Variants in TMEM145 observed in about 807,000 individuals in gnomAD.
TMEM145 encodes the protein transmembrane protein 145.
In TMEM145, 46 loss-of-function variants were observed where a neutral mutation model predicts 68.5. The ratio of observed to expected loss-of-function variants is 0.67; its 90% confidence interval spans 0.53 to 0.86. The LOEUF (loss-of-function observed/expected upper bound fraction) is 0.86. Among genes scored for constraint, TMEM145 ranks in the 40% least tolerant of loss-of-function variants. The pLI, the probability that TMEM145 is intolerant of heterozygous loss-of-function variation, is 0.00. For synonymous variants in TMEM145, 255 were observed against 280.2 expected, an observed-to-expected ratio of 0.91 and a Z score of 0.90; for missense variants, 570 against 645.8, an observed-to-expected ratio of 0.88 and a Z score of 1.27.
At position 42,317,749 on chromosome 19, in the gene TMEM145, C is replaced by T. The variant is rs772824193; in HGVS notation, c.941C>T (p.Pro314Leu). ...PGQVLYTYESPAGYGLIGLQV... is the reference protein window; with the variant it reads ...PGQVLYTYESLAGYGLIGLQV... ...CAGGTACTGTACACGTATGAGTCGC[C>T]GGCCGGCTACGGGCTCATTGGACTG... is the stretch of plus-strand genomic sequence containing the variant. The change falls in exon 12 of 15, where the codon CCG becomes CTG. Residue 314 changes from proline (P) to leucine (L), a missense_variant. Coordinates refer to ENST00000301204, the MANE Select transcript of TMEM145 (RefSeq NM_173633.3). 25 of 1,614,026 alleles carry T rather than the reference C, an allele frequency of 1.5e-5. No individual in the cohort carries two copies. Among genetic ancestry groups the T allele is most frequent in the Middle Eastern group, 1.6e-4 (1 of 6,084 alleles).
intron 12 of TMEM145, among the ~76,000 whole-genome samples, chr19:42,319,478 G>A (rs1384851292): frequency 6.6e-6 from 1 of 152,026 alleles, no homozygotes. Flanking sequence ...ACGGAGTCTT[G>A]CTCTGTCGCC....
chr19:42,313,536 CG>C lies in TMEM145; in HGVS notation c.120+45del, dbSNP rs2038824134. 3.2e-6 allele frequency: 4 copies of C among 1,249,390 alleles called. No individual in the cohort carries two copies. The highest frequency in any genetic ancestry group is 3.4e-5 in the South Asian group (1 of 29,296). 77.4% of individuals were successfully genotyped at this position (1,249,390 alleles called of 1,614,324 possible). On this transcript the variant is annotated intron_variant, in intron 1 of 14. Coordinates refer to ENST00000301204, the MANE Select transcript of TMEM145 (RefSeq NM_173633.3). The surrounding 1 kb of genome is among the most constrained non-coding windows in gnomAD (Gnocchi z 5.1). ...CCCTCCTCTGCGGCCCGCCGGCCCC[CG>C]GGGGACGCAAGGGAGGCGAGGGGAG...
In TMEM145 at chr19:42,315,426, C is replaced by T. The variant is rs773644329; in HGVS notation, c.632C>T (p.Ala211Val). 5.6e-6 allele frequency: 9 copies of T among 1,614,150 alleles called. No individual in the cohort carries two copies. The highest frequency in any genetic ancestry group is 6.8e-6 in the Non-Finnish European group (8 of 1,180,020). ...LHTTYKMFMA[A>V]AGVEVLSLLF... ...ACAACTTATAAAATGTTCATGGCCG[C>T]AGCAGGAGTAGAGGGTGAGGTTCCG... Residue 211 changes from alanine to valine, a missense_variant, in exon 8 of 15, where the codon GCA becomes GTA. Ala to Val is a moderately conservative substitution (Grantham distance 64). Transcript: ENST00000301204.
chr19:42,315,952 C>G (rs147988566), intron 8 of TMEM145, among the ~76,000 whole-genome samples: 4 of 152,140 alleles, frequency 2.6e-5, no homozygotes, highest in African/African-American at 9.7e-5. Flanking sequence ...ATTGCTTGAA[C>G]CCGGGAGGTG....
chr19:42,323,805 C>A lies in TMEM145; in HGVS notation c.1401+16C>A. 4 of 1,612,226 alleles carry A rather than the reference C, an allele frequency of 2.5e-6. No individual in the cohort carries two copies. Among genetic ancestry groups the A allele is most frequent in the Non-Finnish European group, 3.4e-6 (4 of 1,178,648 alleles). On this transcript the variant is annotated intron_variant, in intron 14 of 14. Coordinates refer to ENST00000301204, the MANE Select transcript of TMEM145 (RefSeq NM_173633.3). ...CGCCACCTCCGTAAGCCCCGCGGCC[C>A]CAGCGCCCGAGGAGCTGCTGGCGCC...
intron 3 of TMEM145, 34 bp downstream of exon 3, chr19:42,314,562 G>C: frequency 3.1e-6 from 5 of 1,614,180 alleles, no homozygotes; most frequent in Non-Finnish European, 4.2e-6. Flanking sequence ...GGGGGAGAGG[G>C]GAGAAGGTCG....
chr19:42,320,048 C>T (rs1186305345), intron 12 of TMEM145, among the ~76,000 whole-genome samples: 4 of 152,116 alleles, frequency 2.6e-5, no homozygotes, highest in East Asian at 1.9e-4. Context: ...CGTGAGCCAC[C>T]GTGCCCGGGC....
Position 42,313,503 on chromosome 19 carries a change from A to T in TMEM145, c.120+7A>T, listed in dbSNP as rs2038823690. 1 of 1,281,804 alleles carries T rather than the reference A, an allele frequency of 7.8e-7. No individual in the cohort carries two copies. Among genetic ancestry groups the T allele is most frequent in the Admixed American group, 4.2e-5 (1 of 24,084 alleles). 79.4% of individuals were successfully genotyped at this position (1,281,804 alleles called of 1,614,324 possible). A position where few individuals can be genotyped will look rare whatever the true frequency, so the allele number is the denominator to read the frequency against. On this transcript the variant is annotated splice_region_variant and intron_variant, in intron 1 of 14. Transcript: ENST00000301204. The surrounding 1 kb of genome is among the most constrained non-coding windows in gnomAD (Gnocchi z 5.1). ...CAACCTCAGTTCCAAGGAGGTGAGC[A>T]TGCCGAGCCCTCCTCTGCGGCCCGC... is the stretch of plus-strand genomic sequence containing the variant.
rs780024521 is a variant in TMEM145 at position 42,324,795 on chromosome 19, CT to C, written c.1461del (p.Gly488AlafsTer81). The C allele has an allele frequency of 4.5e-6, 7 of 1,569,738 alleles. No homozygotes were observed. Among genetic ancestry groups the C allele is most frequent in the African/African-American group, 2.8e-5 (2 of 71,956 alleles). On this transcript the variant is annotated frameshift_variant, in exon 15 of 15. Transcript: ENST00000301204. LOFTEE classifies it high-confidence loss of function. ...GLPLFRDLRPPGPLRDL is the reference protein window; with the variant it reads ...GLPLFRDLRPXGPLRDL Reference sequence around the variant, plus strand: ...CCGCTGTTCCGTGACCTCCGGCCCCCTGGCCCCCTTCGAGACCTCTGACCCC... The same window carrying C: ...CCGCTGTTCCGTGACCTCCGGCCCCCGGCCCCCTTCGAGACCTCTGACCCC...
Position 42,324,053 on chromosome 19 carries a change from C to T in TMEM145, c.1401+264C>T, listed in dbSNP as rs545299833. On this transcript the variant is annotated intron_variant, in intron 14 of 14. Transcript: ENST00000301204. ...CACCGCCCGCCTTCCGCGGCTCTCC[C>T]CCAGCTCCCCGGCCGCCGCCGGAGT... Among the ~76,000 whole-genome samples, 302 of 152,050 alleles carry T rather than the reference C, an allele frequency of 2.0e-3. 5 individuals carry two copies. Among genetic ancestry groups the T allele is most frequent in the Admixed American group, 0.013 (200 of 15,282 alleles).
intron 13 of TMEM145, among the ~76,000 whole-genome samples, chr19:42,323,071 C>T (rs1431903433): frequency 6.6e-6 from 1 of 152,200 alleles, no homozygotes; most frequent in Non-Finnish European, 1.5e-5. Flanking sequence ...CAGTAGGGAA[C>T]AGAAGAGTCT....
Position 42,324,720 on chromosome 19 carries a change from C to T in TMEM145, c.1402-17C>T. On this transcript the variant is annotated splice_polypyrimidine_tract_variant and intron_variant, in intron 14 of 14. Transcript: ENST00000301204. ...AAACGGTCCCGCGGGAGCCGCTCTC[C>T]CCGTCCCCTCCCTCAGCCCCTGCCC... 2 of 1,452,466 alleles carry T rather than the reference C, an allele frequency of 1.4e-6. No homozygotes were observed. The highest frequency in any genetic ancestry group is 1.3e-5 in the South Asian group (1 of 77,578). The allele number at this position is 1,452,466 out of a possible 1,614,324, so 90.0% of individuals were successfully genotyped here. A position where few individuals can be genotyped will look rare whatever the true frequency, so the allele number is the denominator to read the frequency against.
At chr19:42,320,460 G>T in intron 13 of TMEM145, 23 bp downstream of exon 13, 1 of 1,613,388 alleles carries the variant, frequency 6.2e-7, no homozygotes, top group Non-Finnish European at 8.5e-7. Flanking sequence ...ATCTGTGGGG[G>T]GTGGAGGGGA....
intron 11 of TMEM145, 70 bp from the exon 12 acceptor site, chr19:42,317,639 G>A (rs1050118303): frequency 1.4e-5 from 22 of 1,528,508 alleles, no homozygotes; most frequent in Non-Finnish European, 2.0e-5. Flanking sequence ...AAGTGCCCAG[G>A]GGTGGGGTCC....
chr19:42,323,692 A>C lies in TMEM145; in HGVS notation c.1304A>C (p.Lys435Thr). ...CCCGGAGGGAGCCAATCCGCTGACA[A>C]GGCCTTCCCGCAGCACGTCTATGGG... ...PGPGGSQSAD[K>T]AFPQHVYGNV... is the part of the protein sequence containing the mutation. The change falls in exon 14 of 15, where the codon AAG becomes ACG. Residue 435 changes from lysine to threonine, a missense_variant. By Grantham distance (78) the Lys-to-Thr change is moderately conservative (BLOSUM62 -1). Transcript: ENST00000301204. 2 of 1,614,150 alleles carry C rather than the reference A, an allele frequency of 1.2e-6. No homozygotes were observed. Among genetic ancestry groups the C allele is most frequent in the South Asian group, 1.1e-5 (1 of 91,078 alleles).
At chr19:42,323,028 C>G (rs1424738460) in intron 13 of TMEM145, among the ~76,000 whole-genome samples, 1 of 152,154 alleles carries the variant, frequency 6.6e-6, no homozygotes, top group Admixed American at 6.5e-5. Context: ...GGCTTATATG[C>G]GCCAGGCATG....
In TMEM145 at chr19:42,314,788, C is replaced by T; in HGVS notation, c.361-4C>T. 6.2e-7 allele frequency: 1 copy of T among 1,614,208 alleles called. No homozygotes were observed. On this transcript the variant is annotated splice_region_variant and splice_polypyrimidine_tract_variant and intron_variant, in intron 4 of 14. Transcript: ENST00000301204. ...CAGGCTTCAGCCTTCTCGTTTGTCCCCAGGTGGTATCAGAGGAGGGAACCC... is the reference window on the plus strand; with the variant it reads ...CAGGCTTCAGCCTTCTCGTTTGTCCTCAGGTGGTATCAGAGGAGGGAACCC...
intron 8 of TMEM145, 100 bp downstream of exon 8, chr19:42,315,540 T>G: frequency 1.2e-5 from 14 of 1,175,182 alleles, no homozygotes; most frequent in East Asian, 3.0e-5. Flanking sequence ...GACTCCTGGG[T>G]CCTGGGGGAG....
rs565973963 is a variant in TMEM145 at position 42,324,615 on chromosome 19, C to T, written c.1402-122C>T. 8.2e-6 allele frequency: 11 copies of T among 1,337,802 alleles called. No homozygotes were observed. The East Asian group carries it at 3.1e-4, about 38-fold the overall frequency. The allele number at this position is 1,337,802 out of a possible 1,614,324, so 82.9% of individuals were successfully genotyped here. A position where few individuals can be genotyped will look rare whatever the true frequency, so the allele number is the denominator to read the frequency against. Reference sequence around the variant, plus strand: ...CTTTATCCCGGCCCGAGAGCTCGCCCATCCCCGGCCTTCCCGACCCTTCCC... The same window carrying T: ...CTTTATCCCGGCCCGAGAGCTCGCCTATCCCCGGCCTTCCCGACCCTTCCC... On this transcript the variant is annotated intron_variant, in intron 14 of 14. Coordinates refer to ENST00000301204, the MANE Select transcript of TMEM145 (RefSeq NM_173633.3).
Sources: gnomAD v4.1 joint callset for allele counts (sites outside exome capture counted in the v4.1 genomes callset) on GRCh38, gnomAD v4.1.1 for gene constraint, Gnocchi (gnomAD v3.1) non-coding constraint, MANE v1.5 for transcripts, NCBI Gene and HGNC (gene_info 2026-07-23, HGNC 2026-07-21) for gene names.